Variants in SORCS1 observed in about 807,000 individuals in gnomAD.
SORCS1 encodes the protein sortilin related VPS10 domain containing receptor 1, also known as VPS10 domain-containing receptor SorCS1.
Under a neutral mutation model 146.1 loss-of-function variants are expected in SORCS1, and 60 were observed. The ratio of observed to expected loss-of-function variants is 0.41; its 90% CI spans 0.33 to 0.51. The LOEUF (loss-of-function observed/expected upper bound fraction) is 0.51, where lower values mean the gene tolerates loss of function less well. Ranked by LOEUF, SORCS1 falls within the 20% of genes least tolerant of loss-of-function variation. The pLI, the probability that SORCS1 is intolerant of heterozygous loss-of-function variation, is 0.21. For missense variants in SORCS1, 1,352 were observed against 1,487.6 expected (o/e 0.91, Z 1.50); for synonymous variants, 637 against 584.0 (o/e 1.09, Z -1.31).
chr10:106,579,261 T>G (rs781381247), intron 25 of SORCS1, 108 bp downstream of exon 25: 1 of 1,614,020 alleles, frequency 6.2e-7, no homozygotes, highest in Admixed American at 1.7e-5. Context: ...CCTAAAATAT[T>G]AATAGAAACC....
At chr10:107,049,963 C>T (rs532457596) in intron 1 of SORCS1, among the ~76,000 whole-genome samples, 6 of 152,264 alleles carry the variant, frequency 3.9e-5, no homozygotes, top group Middle Eastern at 6.8e-3. Flanking sequence ...TTAGAAGTTT[C>T]GCTTCAAGCC....
intron 22 of SORCS1, 31 bp downstream of exon 22, chr10:106,611,880 C>A: frequency 1.3e-6 from 2 of 1,518,436 alleles, no homozygotes; most frequent in South Asian, 2.3e-5. Flanking sequence ...GAAAAGGTAC[C>A]CGGGCAAGAG....
intron 2 of SORCS1, among the ~76,000 whole-genome samples, chr10:106,926,858 CACACACACAGAGAGAG>C (rs1177672964): frequency 3.9e-5 from 4 of 103,332 alleles, no homozygotes; most frequent in African/African-American, 2.6e-4. Context: ...CACACACACA[CACACACACAGAGAGAG>C]AGAGAGAGAG....
upstream of SORCS1, among the ~76,000 whole-genome samples, chr10:107,167,216 G>C (rs1255913974): frequency 6.6e-6 from 1 of 152,136 alleles, no homozygotes. Flanking sequence ...GTTTACTTTT[G>C]CCAACAAACA....
chr10:106,642,170 G>A (rs1045978156), intron 18 of SORCS1, among the ~76,000 whole-genome samples: 7 of 152,202 alleles, frequency 4.6e-5, no homozygotes, highest in African/African-American at 7.2e-5. Context: ...AGATCAGTCC[G>A]TAAGCCAACC....
In SORCS1 at chr10:107,103,866, G is replaced by A. The variant is rs190912685; in HGVS notation, c.558+60103C>T. On this transcript the variant is annotated intron_variant, in intron 1 of 25. Coordinates refer to ENST00000263054, the MANE Select transcript of SORCS1 (RefSeq NM_052918.5). ...CTCCTAAGCACCCGTGGCCACTGCCGTGGGCTTCATTTTAGAGCCAGGAAA... is the reference window on the plus strand; with the variant it reads ...CTCCTAAGCACCCGTGGCCACTGCCATGGGCTTCATTTTAGAGCCAGGAAA... 1.6e-3 allele frequency among the ~76,000 whole-genome samples: 241 copies of A among 152,268 alleles called. 1 individual carries two copies. The highest frequency in any genetic ancestry group is 2.8e-3 in the Non-Finnish European group (190 of 68,028).
intron 3 of SORCS1, among the ~76,000 whole-genome samples, chr10:106,800,513 C>CTTTTTTTT (rs763659103): frequency 1.1e-5 from 1 of 89,072 alleles, no homozygotes; most frequent in Non-Finnish European, 2.3e-5. Context: ...CTAGGTGAAT[C>CTTTTTTTT]TTTTTTTTTT....
At chr10:106,688,668 A>G (rs1853058954) in intron 9 of SORCS1, among the ~76,000 whole-genome samples, 3 of 152,206 alleles carry the variant, frequency 2.0e-5, no homozygotes, top group Admixed American at 2.0e-4. Context: ...GTAAGTAATA[A>G]TAAATAAATA....
intron 19 of SORCS1, 86 bp downstream of exon 19, chr10:106,629,116 T>G (rs1848277738): frequency 4.1e-6 from 5 of 1,218,960 alleles, no homozygotes; most frequent in Non-Finnish European, 3.5e-6. Flanking sequence ...ACTAGTGTAC[T>G]TCTTCTAGAT....
At chr10:106,667,208 T>C (rs1336138630) in intron 17 of SORCS1, 1 of 154,916 alleles carries the variant, frequency 6.5e-6, no homozygotes, top group Admixed American at 6.3e-5. Flanking sequence ...TGTTTAAATG[T>C]GTCAAGACTG....
At chr10:106,863,524 CAAAAAAA>C (rs397807005) in intron 2 of SORCS1, among the ~76,000 whole-genome samples, 1 of 86,252 alleles carries the variant, frequency 1.2e-5, no homozygotes, top group African/African-American at 3.8e-5. Flanking sequence ...GACTCCATTT[CAAAAAAA>C]AAAAAAAAAG....
chr10:106,836,278 T>C (rs1277183701), intron 2 of SORCS1, among the ~76,000 whole-genome samples: 2 of 151,930 alleles, frequency 1.3e-5, no homozygotes, highest in Non-Finnish European at 2.9e-5. Flanking sequence ...ATCGAGATCA[T>C]CCTGGCTAAC....
At chr10:106,645,728 CATA>C in intron 18 of SORCS1, among the ~76,000 whole-genome samples, 1 of 150,774 alleles carries the variant, frequency 6.6e-6, no homozygotes, top group South Asian at 2.1e-4. Context: ...GTTTATTTTG[CATA>C]ATAAAAATAA....
At chr10:106,959,709 C>T (rs1010145122) in intron 1 of SORCS1, among the ~76,000 whole-genome samples, 1 of 152,150 alleles carries the variant, frequency 6.6e-6, no homozygotes, top group Non-Finnish European at 1.5e-5. Flanking sequence ...ATGGGAGTCT[C>T]GCTCTATTGC....
intron 23 of SORCS1, chr10:106,600,150 A>C: frequency 4.1e-6 from 1 of 244,506 alleles, no homozygotes; most frequent in African/African-American, 2.3e-5. Flanking sequence ...ACCAATAGCT[A>C]AACCAGAAAA....
At chr10:106,894,345 G>GCAACA (rs1951378356) in intron 2 of SORCS1, among the ~76,000 whole-genome samples, 1 of 151,570 alleles carries the variant, frequency 6.6e-6, no homozygotes, top group African/African-American at 2.4e-5. Context: ...GCAGATAAGG[G>GCAACA]GAAAAGGTTG....
intron 3 of SORCS1, among the ~76,000 whole-genome samples, chr10:106,808,871 A>T (rs918792153): frequency 1.3e-5 from 2 of 152,154 alleles, no homozygotes; most frequent in Admixed American, 6.5e-5. Context: ...GGACTCCACT[A>T]CTTTCATCCC....
chr10:106,590,976 C>T (rs7904118), intron 24 of SORCS1, among the ~76,000 whole-genome samples: 10,439 of 152,086 alleles, frequency 0.069, 724 homozygotes, highest in African/African-American at 0.18. Context: ...TTAAGATACA[C>T]GATACAGAAG....
intron 18 of SORCS1, among the ~76,000 whole-genome samples, chr10:106,635,258 C>T (rs1848663219): frequency 6.6e-6 from 1 of 152,120 alleles, no homozygotes; most frequent in African/African-American, 2.4e-5. Context: ...CATCAGAGAC[C>T]CATTGCAGAT....
Sources: gnomAD v4.1 joint callset for allele counts (sites outside exome capture counted in the v4.1 genomes callset) on GRCh38, gnomAD v4.1.1 for gene constraint, MANE v1.5 for transcripts, NCBI Gene and HGNC (gene_info 2026-07-23, HGNC 2026-07-21) for gene names.